The following SETDB2 variants were observed in gnomAD, a reference collection of about 807,000 sequenced individuals.
The protein encoded by SETDB2 is histone-lysine N-methyltransferase SETDB2.
In SETDB2, 56 loss-of-function variants were observed where a neutral mutation model predicts 82.5. The observed-to-expected ratio is 0.68, with a 90% CI of 0.55 to 0.85. The LOEUF (loss-of-function observed/expected upper bound fraction) is 0.85. Ranked by LOEUF, SETDB2 falls within the 40% of genes least tolerant of loss-of-function variation. SETDB2 has a pLI of 0.00. For synonymous variants in SETDB2, 272 were observed against 284.9 expected (o/e 0.95, Z 0.46); for missense variants, 677 against 816.4 (o/e 0.83, Z 2.08).
chr13:49,444,795 A>T lies in SETDB2; in HGVS notation c.-404A>T, dbSNP rs1957626442. On this transcript the variant is annotated 5_prime_UTR_variant, in exon 1 of 14. An upstream start codon of the reference 5' UTR is lost. Coordinates refer to ENST00000611815, the MANE Select transcript of SETDB2 (RefSeq NM_001160308.3). Reference sequence around the variant, plus strand: ...GAGGTTGTCAAAGGGGCGGCAGGAAATGGACAGCAGTATAAAACCCAGAAG... The same window carrying T: ...GAGGTTGTCAAAGGGGCGGCAGGAATTGGACAGCAGTATAAAACCCAGAAG... 1 of 152,510 alleles carries T rather than the reference A, an allele frequency of 6.6e-6. No individual in the cohort carries two copies. Among genetic ancestry groups the T allele is most frequent in the African/African-American group, 2.4e-5 (1 of 41,460 alleles). The allele number at this position is 152,510 out of a possible 1,614,324, so 9.4% of individuals were successfully genotyped here. A position where few individuals can be genotyped will look rare whatever the true frequency, so the allele number is the denominator to read the frequency against.
intron 4 of SETDB2, among the ~76,000 whole-genome samples, chr13:49,467,299 G>C (rs1958135236): frequency 6.6e-6 from 1 of 152,054 alleles, no homozygotes; most frequent in African/African-American, 2.4e-5. Flanking sequence ...AGAGGCTGCG[G>C]CAGGAGAATC....
At chr13:49,468,601 A>AAAG (rs1958163097) in intron 5 of SETDB2, among the ~76,000 whole-genome samples, 1 of 151,674 alleles carries the variant, frequency 6.6e-6, no homozygotes. Context: ...GTATCTTTAG[A>AAAG]AAGAAACTTC....
At position 49,444,661 on chromosome 13, in the gene SETDB2, C is replaced by T. The variant is rs1009166568; in HGVS notation, c.-538C>T. The T allele has an allele frequency of 1.3e-5, 2 of 154,012 alleles. No individual in the cohort carries two copies. Among genetic ancestry groups the T allele is most frequent in the African/African-American group, 4.8e-5 (2 of 41,446 alleles). The allele number at this position is 154,012 out of a possible 1,614,324, so 9.5% of individuals were successfully genotyped here. On this transcript the variant is annotated 5_prime_UTR_variant, in exon 1 of 14. Coordinates refer to ENST00000611815, the MANE Select transcript of SETDB2 (RefSeq NM_001160308.3). The stretch of plus-strand genomic sequence containing the variant: ...CTTCTCCTGGCACCCAAGTGCAGTC[C>T]TGGCTGCAGAAGGGGCCGCGGGCGC...
rs1398670170 is a variant in SETDB2 at position 49,461,129 on chromosome 13, G to A, written c.175G>A (p.Ala59Thr). 2 of 1,611,206 alleles carry A rather than the reference G, an allele frequency of 1.2e-6. No homozygotes were observed. Among genetic ancestry groups the A allele is most frequent in the Non-Finnish European group, 1.7e-6 (2 of 1,177,948 alleles). The change falls in exon 4 of 14, where the codon GCA (alanine) becomes ACA (threonine). Residue 59 changes from alanine to threonine, a missense_variant. Physicochemically the swap from Ala to Thr is moderately conservative, Grantham distance 58 (BLOSUM62 0). Coordinates refer to ENST00000611815, the MANE Select transcript of SETDB2 (RefSeq NM_001160308.3). ...CCAAGCAATGATTCTAGTGAATGAA[G>A]CAACTATAATTAACAGTTCAACATC... The part of the protein sequence containing the change: ...YIQAMILVNE[A>T]TIINSSTSIK...
At chr13:49,461,299 TCA>T (rs1957987723) in intron 4 of SETDB2, 137 bp downstream of exon 4, 5 of 595,938 alleles carry the variant, frequency 8.4e-6, no homozygotes, top group Non-Finnish European at 1.4e-5. Context: ...GTTACATAAA[TCA>T]CAGTTTCCTC....
chr13:49,466,920 T>TGATG (rs889505949), intron 4 of SETDB2, among the ~76,000 whole-genome samples: 14 of 149,754 alleles, frequency 9.3e-5, no homozygotes, highest in Non-Finnish European at 1.5e-4. Flanking sequence ...CCTTCCAAAG[T>TGATG]GATGGGATTA....
intron 6 of SETDB2, among the ~76,000 whole-genome samples, chr13:49,478,659 G>A (rs1305010200): frequency 6.6e-6 from 1 of 152,178 alleles, no homozygotes; most frequent in East Asian, 1.9e-4. Flanking sequence ...GGGCACAGTG[G>A]CTCATACCTG....
At position 49,444,633 on chromosome 13, in the gene SETDB2, T is replaced by A. The variant is rs1957621972; in HGVS notation, c.-566T>A. 6.5e-6 allele frequency: 1 copy of A among 154,992 alleles called. No individual in the cohort carries two copies. Among genetic ancestry groups the A allele is most frequent in the Admixed American group, 6.3e-5 (1 of 15,950 alleles). 9.6% of individuals were successfully genotyped at this position (154,992 alleles called of 1,614,324 possible). ...GGGCTGGACCCCAGCCCTTGCAGCC[T>A]CCCTTCTCCTGGCACCCAAGTGCAG... On this transcript the variant is annotated 5_prime_UTR_variant, in exon 1 of 14. Transcript: ENST00000611815.
rs1232849321 is a variant in SETDB2 at position 49,471,913 on chromosome 13, C to CATATATATATATATAT, written c.305+3960_305+3975dup. 2.1e-3 allele frequency among the ~76,000 whole-genome samples: 229 copies of CATATATATATATATAT among 107,676 alleles called. 1 individual carries two copies. Among genetic ancestry groups the CATATATATATATATAT allele is most frequent in the South Asian group, 5.4e-3 (16 of 2,938 alleles). The allele number at this position is 107,676 out of a possible 152,430, so 70.6% of individuals were successfully genotyped here. ...CTAGTGCAAGTGTTATCTCATGTGACATATATATATATATATATATATTTT... is the reference window on the plus strand; with the variant it reads ...CTAGTGCAAGTGTTATCTCATGTGACATATATATATATATATATATATATATATATATATATATTTT... On this transcript the variant is annotated intron_variant, in intron 5 of 13. Transcript: ENST00000611815.
chr13:49,468,074 T>C, intron 5 of SETDB2, 114 bp downstream of exon 5: 1 of 574,814 alleles, frequency 1.7e-6, no homozygotes, highest in Non-Finnish European at 2.8e-6. Context: ...CCATTAAAGC[T>C]TTAAAAGTTG....
chr13:49,476,852 G>C lies in SETDB2; in HGVS notation c.682G>C (p.Val228Leu), dbSNP rs749705215. 1.2e-6 allele frequency: 2 copies of C among 1,614,124 alleles called. No individual in the cohort carries two copies. The highest frequency in any genetic ancestry group is 1.7e-6 in the Non-Finnish European group (2 of 1,180,032). ...TCGGAATTACCCAAAGCAAAAAGAA[G>C]TTGTTTCTGATGTGGATATTAGCAA... ...LARNYPKQKE[V>L]VSDVDISNGV... The change falls in exon 6 of 14, where the codon GTT becomes CTT. Residue 228 changes from valine to leucine, a missense_variant. By Grantham distance (32) the Val-to-Leu change is conservative. This residue lies in a region of SETDB2 where 243 missense variants were observed against 237.2 expected (regional missense o/e 1.02). Transcript: ENST00000611815.
intron 5 of SETDB2, among the ~76,000 whole-genome samples, chr13:49,472,939 T>G (rs1487373331): frequency 6.6e-6 from 1 of 152,226 alleles, no homozygotes; most frequent in Non-Finnish European, 1.5e-5. Context: ...TTTCTTGAAA[T>G]GTAAATTCCA....
intron 4 of SETDB2, among the ~76,000 whole-genome samples, chr13:49,461,417 A>G (rs1957989934): frequency 6.6e-6 from 1 of 152,186 alleles, no homozygotes; most frequent in Non-Finnish European, 1.5e-5. Context: ...GGAAAAAAAG[A>G]CTTTCTTATA....
chr13:49,457,621 A>C (rs1957914982), intron 2 of SETDB2, among the ~76,000 whole-genome samples: 1 of 151,972 alleles, frequency 6.6e-6, no homozygotes, highest in African/African-American at 2.4e-5. Context: ...TTTTTGGTAG[A>C]GATGGGGTTT....
chr13:49,471,922 A>ATG (rs1958250435), intron 5 of SETDB2, among the ~76,000 whole-genome samples: 5 of 61,086 alleles, frequency 8.2e-5, no homozygotes. Context: ...ACATATATAT[A>ATG]TATATATATA....
chr13:49,473,551 CAAAAAA>C (rs769808278), intron 5 of SETDB2, among the ~76,000 whole-genome samples: 7 of 61,576 alleles, frequency 1.1e-4, no homozygotes, highest in African/African-American at 3.0e-4. Flanking sequence ...ACCCTGTCTC[CAAAAAA>C]AAAAAAAAAA....
At chr13:49,447,075 A>G (rs1232454355) in intron 1 of SETDB2, among the ~76,000 whole-genome samples, 1 of 152,154 alleles carries the variant, frequency 6.6e-6, no homozygotes, top group Non-Finnish European at 1.5e-5. Context: ...GCTGCAAATT[A>G]TATTTTTAAT....
chr13:49,452,816 G>T (rs968112148), intron 2 of SETDB2, among the ~76,000 whole-genome samples: 1 of 152,132 alleles, frequency 6.6e-6, no homozygotes, highest in Non-Finnish European at 1.5e-5. Context: ...CTGGAGCGAT[G>T]GGTTTTGGGG....
At chr13:49,464,687 A>C (rs1958065916) in intron 4 of SETDB2, among the ~76,000 whole-genome samples, 1 of 152,178 alleles carries the variant, frequency 6.6e-6, no homozygotes, top group African/African-American at 2.4e-5. Context: ...CTAGCAGTGA[A>C]GTGTTTTTAA....
Sources: gnomAD v4.1 joint callset for allele counts (sites outside exome capture counted in the v4.1 genomes callset) on GRCh38, gnomAD v4.1.1 for gene constraint, gnomAD v4.1.1 regional missense constraint, MANE v1.5 for transcripts, NCBI Gene and HGNC (gene_info 2026-07-23, HGNC 2026-07-21) for gene names.